MYH8: variants seen among roughly 807,000 people sequenced by gnomAD.
MYH8 encodes the protein myosin heavy chain 8.
A neutral mutation model predicts 233.2 loss-of-function variants in MYH8; 168 were observed. That is an observed-to-expected ratio of 0.72 (90% CI 0.64 to 0.82). The LOEUF (loss-of-function observed/expected upper bound fraction) is 0.82, where lower values mean the gene tolerates loss of function less well. Among genes scored for constraint, MYH8 ranks in the 40% least tolerant of loss-of-function variants. The pLI is 0.00. For missense variants in MYH8, 1,995 were observed against 2,327.8 expected, an observed-to-expected ratio of 0.86 and a Z score of 2.94; for synonymous variants, 785 against 850.6, an observed-to-expected ratio of 0.92 and a Z score of 1.34.
chr17:10,418,624 A>G lies in MYH8; in HGVS notation c.511+21T>C, dbSNP rs200163839. 1.8e-5 allele frequency: 29 copies of G among 1,613,696 alleles called. No individual in the cohort carries two copies. In the Admixed American group the frequency reaches 4.8e-4, roughly 27 times the overall value. On this transcript the variant is annotated intron_variant, in intron 5 of 39. Transcript: ENST00000403437. ...AGATTCTATTTACACATTTCTGTAA[A>G]TAGATGCCTCACTCACTCACCAGTC... is the stretch of plus-strand genomic sequence containing the variant.
rs753640473 is a variant in MYH8, at chr17:10,392,945, C to T, written c.5349G>A (p.Glu1783=). ...KKEQDTSAHL[E]RMKKNLEQTV... is the part of the protein sequence containing the mutation. ...TCTGCTCCAGGTTCTTCTTCATCCGCTCCAGGTGGGCGCTGGTGTCCTGTT... is the reference window on the plus strand; with the variant it reads ...TCTGCTCCAGGTTCTTCTTCATCCGTTCCAGGTGGGCGCTGGTGTCCTGTT... Residue 1783 remains glutamate, a synonymous_variant, in exon 37 of 40, where the codon GAG becomes GAA. Transcript: ENST00000403437. 1 of 1,614,220 alleles carries T rather than the reference C, an allele frequency of 6.2e-7. No individual in the cohort carries two copies. Among genetic ancestry groups the T allele is most frequent in the South Asian group, 1.1e-5 (1 of 91,082 alleles).
At chr17:10,404,644 C>T (rs1379278121) in intron 21 of MYH8, 59 bp from the exon 22 acceptor site, 3 of 1,601,318 alleles carry the variant, frequency 1.9e-6, no homozygotes, top group South Asian at 1.1e-5. Context: ...GTTATTGTTA[C>T]TTATCACACA....
intron 22 of MYH8, among the ~76,000 whole-genome samples, chr17:10,403,625 G>T (rs2072161619): frequency 6.6e-6 from 1 of 152,130 alleles, no homozygotes; most frequent in Non-Finnish European, 1.5e-5. Context: ...ATAAATGAAG[G>T]TATCAGAAGG....
chr17:10,409,184 C>G lies in MYH8; in HGVS notation c.1898-20G>C, dbSNP rs539824531. On this transcript the variant is annotated intron_variant, in intron 16 of 39. Coordinates refer to ENST00000403437, the MANE Select transcript of MYH8 (RefSeq NM_002472.3). ...TGCTATCTGAGGTAAAAAGAAAACC[C>G]GTGAATAAGAATAGAATACCAGAGG... 2 of 1,613,962 alleles carry G rather than the reference C, an allele frequency of 1.2e-6. No individual in the cohort carries two copies. Among genetic ancestry groups the G allele is most frequent in the Non-Finnish European group, 1.7e-6 (2 of 1,179,932 alleles).
At position 10,394,429 on chromosome 17, in the gene MYH8, A is replaced by G; in HGVS notation, c.4986T>C (p.Asp1662=). 1 of 1,614,194 alleles carries G rather than the reference A, an allele frequency of 6.2e-7. No individual in the cohort carries two copies. Among genetic ancestry groups the G allele is most frequent in the South Asian group, 1.1e-5 (1 of 91,078 alleles). ...ILKETQLHLD[D]ALRGQEDLKE... ...TGAGGTCCTCCTGGCCCCGGAGAGC[A>G]TCATCCAGGTGGAGCTGGGTTTCCT... Residue 1662 remains aspartate (D), a synonymous_variant, in exon 35 of 40, where the codon GAT becomes GAC. Transcript: ENST00000403437.
chr17:10,420,148 A>G lies in MYH8; in HGVS notation c.80T>C (p.Ile27Thr), dbSNP rs1567691394. Residue 27 changes from isoleucine to threonine, a missense_variant, in exon 3 of 40, where the codon ATT becomes ACT. By Grantham distance (89) the Ile-to-Thr change is moderately conservative. This residue lies in a region of MYH8 where 479 missense variants were observed against 600.9 expected (regional missense o/e 0.80). Coordinates refer to ENST00000403437, the MANE Select transcript of MYH8 (RefSeq NM_002472.3). The part of the protein sequence containing the change: ...PYLRKSEKER[I>T]EAQNKPFDAK... ...ATCAAACGGCTTGTTTTGGGCCTCA[A>G]TCCGCTCCTTTTCTGATTTTCGAAG... is the stretch of plus-strand genomic sequence containing the variant. The G allele has an allele frequency of 1.2e-6, 2 of 1,614,080 alleles. No individual in the cohort carries two copies. Among genetic ancestry groups the G allele is most frequent in the African/African-American group, 1.3e-5 (1 of 74,936 alleles).
chr17:10,409,719 C>T (rs997763944), intron 15 of MYH8, 131 bp from the exon 16 acceptor site: 16 of 1,229,524 alleles, frequency 1.3e-5, no homozygotes, highest in African/African-American at 3.0e-5. Flanking sequence ...GGTCACAGCT[C>T]GAAGAAGTCC....
Position 10,396,964 on chromosome 17 carries a change from G to A in MYH8, c.4201C>T (p.Gln1401Ter). 6.2e-7 allele frequency: 1 copy of A among 1,614,224 alleles called. No homozygotes were observed. Among genetic ancestry groups the A allele is most frequent in the South Asian group, 1.1e-5 (1 of 91,078 alleles). The change falls in exon 31 of 40, where the codon CAA (glutamine) becomes TAA (stop). Residue 1401 changes from glutamine to a stop codon, truncating the protein, a stop_gained. Transcript: ENST00000403437. LOFTEE classifies it high-confidence loss of function. This position sits in a 1 kb window ranked among gnomAD's most constrained non-coding sequence, Gnocchi z 4.2. ...GCTTCTACATGTTCCTCAGCTTCTT[G>A]CAGGCGCTGGGCCAACTTTTTCCTG... Reference protein sequence around the residue: ...EAKKKLAQRLQEAEEHVEAVN... With the variant: ...EAKKKLAQRL
At chr17:10,421,570 A>G (rs1283582473) in intron 2 of MYH8, 93 bp downstream of exon 2, 1 of 152,202 alleles carries the variant, frequency 6.6e-6, no homozygotes, top group Non-Finnish European at 1.5e-5. Context: ...ATAACTGCAA[A>G]AACATGGAAA....
Position 10,395,148 on chromosome 17 carries a change from G to A in MYH8, c.4947C>T (p.Thr1649=). 1 of 1,613,384 alleles carries A rather than the reference G, an allele frequency of 6.2e-7. No homozygotes were observed. Reference sequence around the variant, plus strand: ...ACCCGTTTACCTTCAGGATTCCTTGGGTGTTCCTGTAGTTCCTTAAACTCT... The same window carrying A: ...ACCCGTTTACCTTCAGGATTCCTTGAGTGTTCCTGTAGTTCCTTAAACTCT... ...AAESLRNYRN[T]QGILKETQLH... is the part of the protein sequence containing the mutation. Residue 1649 remains threonine (T), a synonymous_variant, in exon 34 of 40, where the codon ACC becomes ACT. Coordinates refer to ENST00000403437, the MANE Select transcript of MYH8 (RefSeq NM_002472.3).
intron 2 of MYH8, among the ~76,000 whole-genome samples, chr17:10,421,071 A>G (rs756911465): frequency 2.6e-5 from 4 of 152,186 alleles, no homozygotes; most frequent in Non-Finnish European, 5.9e-5. Flanking sequence ...TGATTAATAG[A>G]TAGGCCTCTG....
At chr17:10,390,737 CAG>C (rs956523823) in intron 39 of MYH8, 134 bp from the exon 40 acceptor site, 3 of 1,056,718 alleles carry the variant, frequency 2.8e-6, no homozygotes, top group East Asian at 2.4e-5. Flanking sequence ...TAAATCTAAA[CAG>C]AGTTTATAAC....
chr17:10,413,337 G>A (rs2072261185), intron 12 of MYH8, among the ~76,000 whole-genome samples: 2 of 152,210 alleles, frequency 1.3e-5, no homozygotes, highest in South Asian at 4.1e-4. Flanking sequence ...GCTTTAAGGA[G>A]CGATAACTGT....
In MYH8 at chr17:10,415,820, C is replaced by CTTTGGT. The variant is rs2072285735; in HGVS notation, c.512-118_512-113dup. On this transcript the variant is annotated intron_variant, in intron 5 of 39. Coordinates refer to ENST00000403437, the MANE Select transcript of MYH8 (RefSeq NM_002472.3). This position sits in a 1 kb window ranked among gnomAD's most constrained non-coding sequence, Gnocchi z 4.1. The stretch of plus-strand genomic sequence containing the variant: ...CTTTTTAACTTTTTGAAGATGTCAC[C>CTTTGGT]TTTGGTTTTGATTTTGTGTTTATCC... 1.6e-6 allele frequency: 2 copies of CTTTGGT among 1,270,278 alleles called. No homozygotes were observed. Among genetic ancestry groups the CTTTGGT allele is most frequent in the Non-Finnish European group, 2.2e-6 (2 of 896,790 alleles). The allele number at this position is 1,270,278 out of a possible 1,614,324, so 78.7% of individuals were successfully genotyped here.
chr17:10,398,825 C>T lies in MYH8; in HGVS notation c.3924G>A (p.Lys1308=). The change falls in exon 29 of 40, where the codon AAG becomes AAA. Residue 1308 remains lysine (K), a synonymous_variant. Transcript: ENST00000403437. ...DALVSQLSRS[K]QASTQQIEEL... ...CTTCAATCTGCTGAGTAGATGCTTGCTTGCTCCTTGAAAGCTGAGAGACTA... is the reference window on the plus strand; with the variant it reads ...CTTCAATCTGCTGAGTAGATGCTTGTTTGCTCCTTGAAAGCTGAGAGACTA... 6.2e-7 allele frequency: 1 copy of T among 1,613,942 alleles called. No individual in the cohort carries two copies.
rs2072256797 is a variant in MYH8, at chr17:10,412,877, C to T, written c.1148-149G>A. 3 of 784,224 alleles carry T rather than the reference C, an allele frequency of 3.8e-6. No homozygotes were observed. The East Asian group carries it at 8.1e-5, about 21-fold the overall frequency. The allele number at this position is 784,224 out of a possible 1,614,324, so 48.6% of individuals were successfully genotyped here. A position where few individuals can be genotyped will look rare whatever the true frequency, so the allele number is the denominator to read the frequency against. ...CAAATGAGGTTTTCTAACCTTAGAG[C>T]ATGTGGTTGCCAGTAAATGGTTGAT... On this transcript the variant is annotated intron_variant, in intron 12 of 39. Coordinates refer to ENST00000403437, the MANE Select transcript of MYH8 (RefSeq NM_002472.3).
rs1235481160 is a variant in MYH8, at chr17:10,393,054, T to C, written c.5292+31A>G. On this transcript the variant is annotated intron_variant, in intron 36 of 39. Coordinates refer to ENST00000403437, the MANE Select transcript of MYH8 (RefSeq NM_002472.3). ...ATGAAACTTGATGATAGCAGGTGCA[T>C]ACGTGTCAGTAGGCCAAATGTTCAT... is the stretch of plus-strand genomic sequence containing the variant. 3 of 1,614,216 alleles carry C rather than the reference T, an allele frequency of 1.9e-6. No homozygotes were observed. In the South Asian group the frequency reaches 3.3e-5, roughly 18 times the overall value.
intron 21 of MYH8, among the ~76,000 whole-genome samples, chr17:10,405,396 T>G (rs1368992056): frequency 6.6e-6 from 1 of 152,206 alleles, no homozygotes; most frequent in Non-Finnish European, 1.5e-5. Flanking sequence ...AAATTCTATC[T>G]CTATAGGTCC....
At chr17:10,397,518 G>C (rs190382642) in intron 30 of MYH8, among the ~76,000 whole-genome samples, 2 of 152,174 alleles carry the variant, frequency 1.3e-5, no homozygotes, top group Admixed American at 1.3e-4. Flanking sequence ...AACAAGTCCT[G>C]GGAATATTAT....
Sources: gnomAD v4.1 joint callset for allele counts (sites outside exome capture counted in the v4.1 genomes callset) on GRCh38, gnomAD v4.1.1 for gene constraint, gnomAD v4.1.1 regional missense constraint, Gnocchi (gnomAD v3.1) non-coding constraint, MANE v1.5 for transcripts, NCBI Gene and HGNC (gene_info 2026-07-23, HGNC 2026-07-21) for gene names.